The following ADAMTS17 variants were observed in gnomAD, a reference collection of about 807,000 sequenced individuals.
ADAMTS17 encodes the protein A disintegrin and metalloproteinase with thrombospondin motifs 17.
A neutral mutation model predicts 141.5 loss-of-function variants in ADAMTS17; 113 were observed. The ratio of observed to expected loss-of-function variants is 0.80; its 90% CI spans 0.69 to 0.93. The LOEUF (loss-of-function observed/expected upper bound fraction) is 0.93, where lower values mean the gene tolerates loss of function less well. Among genes scored for constraint, ADAMTS17 ranks in the 40% least tolerant of loss-of-function variants. ADAMTS17 has a pLI of 0.00. For synonymous variants in ADAMTS17, 768 were observed against 630.6 expected, an observed-to-expected ratio of 1.22 and a Z score of -3.27; for missense variants, 1,659 against 1,517.9, an observed-to-expected ratio of 1.09 and a Z score of -1.54.
At chr15:100,296,789 T>C (rs1246795942) in intron 3 of ADAMTS17, among the ~76,000 whole-genome samples, 1 of 152,210 alleles carries the variant, frequency 6.6e-6, no homozygotes, top group Non-Finnish European at 1.5e-5. Context: ...GACCTTCCTA[T>C]CCATGGTTAC....
chr15:100,274,440 CT>C (rs1014629606), intron 4 of ADAMTS17, among the ~76,000 whole-genome samples: 3 of 152,060 alleles, frequency 2.0e-5, no homozygotes, highest in African/African-American at 7.2e-5. Context: ...CTCTTGGAAG[CT>C]TTTTGATTTA....
At chr15:100,231,612 G>C (rs930877904) in intron 7 of ADAMTS17, among the ~76,000 whole-genome samples, 3 of 152,140 alleles carry the variant, frequency 2.0e-5, no homozygotes, top group Admixed American at 6.6e-5. Flanking sequence ...GGATAAAAAG[G>C]CCTTCTCCCA....
rs140577767 is a variant in ADAMTS17 at position 99,997,583 on chromosome 15, C to T, written c.2598G>A (p.Val866=). 4.3e-6 allele frequency: 7 copies of T among 1,612,930 alleles called. No individual in the cohort carries two copies. The highest frequency in any genetic ancestry group is 2.7e-5 in the African/African-American group (2 of 74,930). The part of the protein sequence containing the change: ...CNLHPCQSRW[V]AGPWSPCSAT... ...CCGAGCAGGGGCTCCACGGGCCTGC[C>T]ACCCACCTGCCAGACGGGAGGAAAG... The change falls in exon 19 of 22, where the codon GTG becomes GTA. Residue 866 remains valine, a synonymous_variant. Transcript: ENST00000268070. The surrounding 1 kb of genome is among the most constrained non-coding windows in gnomAD (Gnocchi z 4.7).
chr15:99,973,928 G>A lies in ADAMTS17; in HGVS notation c.*474C>T, dbSNP rs117821788. 0.011 allele frequency: 2,669 copies of A among 238,978 alleles called. 25 individuals carry two copies. The highest frequency in any genetic ancestry group is 0.017 in the Non-Finnish European group (1,997 of 120,540). 14.8% of individuals were successfully genotyped at this position (238,978 alleles called of 1,614,324 possible). A position where few individuals can be genotyped will look rare whatever the true frequency, so the allele number is the denominator to read the frequency against. On this transcript the variant is annotated 3_prime_UTR_variant, in exon 22 of 22. Coordinates refer to ENST00000268070, the MANE Select transcript of ADAMTS17 (RefSeq NM_139057.4). ...GTGCTAAGCAGCCCGGCCCTCCCCA[G>A]AGAAGCCACGGGCAGAGGCTCACCA...
At chr15:100,287,294 C>T in intron 3 of ADAMTS17, among the ~76,000 whole-genome samples, 1 of 152,146 alleles carries the variant, frequency 6.6e-6, no homozygotes, top group East Asian at 1.9e-4. Flanking sequence ...AGGAAGGAAT[C>T]ACAGAGTTCG....
chr15:99,998,550 G>A (rs1020172125), intron 18 of ADAMTS17, among the ~76,000 whole-genome samples: 1 of 152,184 alleles, frequency 6.6e-6, no homozygotes, highest in African/African-American at 2.4e-5. Context: ...GTTGCAGTGA[G>A]CCAAGATCGC....
chr15:100,089,127 TCAAA>T (rs1301142068), intron 15 of ADAMTS17, among the ~76,000 whole-genome samples: 1 of 151,546 alleles, frequency 6.6e-6, no homozygotes, highest in Non-Finnish European at 1.5e-5. Context: ...TACAATGAAC[TCAAA>T]CAAATCTACA....
At chr15:100,100,609 T>C (rs1222890769) in intron 14 of ADAMTS17, among the ~76,000 whole-genome samples, 1 of 141,226 alleles carries the variant, frequency 7.1e-6, no homozygotes, top group Non-Finnish European at 1.5e-5. Context: ...CCCAGTTAGT[T>C]GGTGAGCTTG....
At chr15:100,200,893 G>T (rs1214918000) in intron 7 of ADAMTS17, among the ~76,000 whole-genome samples, 1 of 151,266 alleles carries the variant, frequency 6.6e-6, no homozygotes, top group East Asian at 1.9e-4. Context: ...CCTCTGTCGA[G>T]CTGCACCTGC....
chr15:100,014,958 G>T (rs1161715180), intron 18 of ADAMTS17, among the ~76,000 whole-genome samples: 1 of 152,154 alleles, frequency 6.6e-6, no homozygotes, highest in Non-Finnish European at 1.5e-5. Context: ...TATCAGTGGA[G>T]TACTGAAGTC....
At chr15:100,262,209 G>T in intron 5 of ADAMTS17, 143 bp downstream of exon 5, 1 of 751,902 alleles carries the variant, frequency 1.3e-6, no homozygotes, top group Non-Finnish European at 2.3e-6. Context: ...ACTGATGCCG[G>T]CTTTCCTCTC....
chr15:100,279,575 T>C (rs116563230), intron 4 of ADAMTS17, among the ~76,000 whole-genome samples: 623 of 152,348 alleles, frequency 4.1e-3, no homozygotes, highest in African/African-American at 0.014. Flanking sequence ...TGACCATTTG[T>C]GGCCAGGCAC....
intron 10 of ADAMTS17, among the ~76,000 whole-genome samples, chr15:100,147,609 G>C (rs2038970326): frequency 1.3e-5 from 2 of 152,176 alleles, no homozygotes; most frequent in Non-Finnish European, 2.9e-5. Context: ...CTATGAGGCA[G>C]TTCCATCATA....
At chr15:100,166,384 C>T (rs141812040) in intron 8 of ADAMTS17, among the ~76,000 whole-genome samples, 2 of 152,172 alleles carry the variant, frequency 1.3e-5, no homozygotes, top group Non-Finnish European at 2.9e-5. Context: ...TTCCTTATTT[C>T]TTGCCTTATG....
In ADAMTS17 at chr15:100,331,711, C is replaced by T. The variant is rs562051928; in HGVS notation, c.451-657G>A. ...TTGATCGCAGATTCAGGAGATCTGGCGGATGAGTCTCAGGGGGCCATGGCA... is the reference window on the plus strand; with the variant it reads ...TTGATCGCAGATTCAGGAGATCTGGTGGATGAGTCTCAGGGGGCCATGGCA... On this transcript the variant is annotated intron_variant, in intron 2 of 21. Transcript: ENST00000268070. Among the ~76,000 whole-genome samples, 36 of 152,226 alleles carry T rather than the reference C, an allele frequency of 2.4e-4. 1 individual carries two copies. Among genetic ancestry groups the T allele is most frequent in the African/African-American group, 6.7e-4 (28 of 41,550 alleles).
chr15:100,194,096 C>G (rs983620153), intron 8 of ADAMTS17, among the ~76,000 whole-genome samples: 2 of 152,224 alleles, frequency 1.3e-5, no homozygotes, highest in Non-Finnish European at 2.9e-5. Context: ...AAAGATATAT[C>G]CTCTTCGTTT....
At chr15:100,310,241 G>A (rs969663840) in intron 3 of ADAMTS17, among the ~76,000 whole-genome samples, 2 of 152,186 alleles carry the variant, frequency 1.3e-5, no homozygotes, top group Non-Finnish European at 2.9e-5. Flanking sequence ...AAAGCAGGCA[G>A]GAGACTCCGA....
chr15:100,100,303 G>C (rs1364071316), intron 14 of ADAMTS17, among the ~76,000 whole-genome samples: 1 of 151,996 alleles, frequency 6.6e-6, no homozygotes, highest in African/African-American at 2.4e-5. Flanking sequence ...GCTCCCCCGG[G>C]GCTCCCTGCT....
At chr15:100,309,190 TC>T (rs2045324504) in intron 3 of ADAMTS17, among the ~76,000 whole-genome samples, 1 of 152,042 alleles carries the variant, frequency 6.6e-6, no homozygotes, top group African/African-American at 2.4e-5. Context: ...AGACCTCATC[TC>T]CACAAAAAAA....
Sources: gnomAD v4.1 joint callset for allele counts (sites outside exome capture counted in the v4.1 genomes callset) on GRCh38, gnomAD v4.1.1 for gene constraint, Gnocchi (gnomAD v3.1) non-coding constraint, MANE v1.5 for transcripts, NCBI Gene and HGNC (gene_info 2026-07-23, HGNC 2026-07-21) for gene names.